Variants in TMTC1 observed in about 807,000 individuals in gnomAD.
TMTC1 encodes protein O-mannosyl-transferase TMTC1.
In TMTC1, 73 loss-of-function variants were observed where a neutral mutation model predicts 104.8. The ratio of observed to expected loss-of-function variants is 0.70; its 90% CI spans 0.58 to 0.85. The LOEUF (loss-of-function observed/expected upper bound fraction) is 0.85. Ranked by LOEUF, TMTC1 falls within the 40% of genes least tolerant of loss-of-function variation. The pLI is 0.00. For missense variants in TMTC1, 1,035 were observed against 1,096.1 expected, an observed-to-expected ratio of 0.94 and a Z score of 0.79; for synonymous variants, 434 against 428.7, an observed-to-expected ratio of 1.01 and a Z score of -0.15.
rs1943897797 is a variant in TMTC1, at chr12:29,783,837, G to A, written c.-86C>T. ...GGGGCCCCGGCGGCGCGCGGCGTCTGCCCGGAGGGGGGCTCGGGCATGGTG... is the reference window on the plus strand; with the variant it reads ...GGGGCCCCGGCGGCGCGCGGCGTCTACCCGGAGGGGGGCTCGGGCATGGTG... On this transcript the variant is annotated 5_prime_UTR_variant, in exon 1 of 18. The change creates a premature stop within an existing upstream ORF in the 5' untranslated region. Transcript: ENST00000539277. This position sits in a 1 kb window ranked among gnomAD's most constrained non-coding sequence, Gnocchi z 4.7. The A allele has an allele frequency of 1.1e-5, 12 of 1,065,666 alleles. 1 individual carries two copies. In the South Asian group the frequency reaches 5.0e-4, roughly 44 times the overall value. 66.0% of individuals were successfully genotyped at this position (1,065,666 alleles called of 1,614,324 possible).
chr12:29,743,304 G>A (rs1027909526), intron 5 of TMTC1, among the ~76,000 whole-genome samples: 3 of 152,168 alleles, frequency 2.0e-5, no homozygotes, highest in African/African-American at 4.8e-5. Context: ...CATACGTTTC[G>A]CAAGAATCAA....
intron 7 of TMTC1, among the ~76,000 whole-genome samples, chr12:29,596,165 C>T (rs1475756757): frequency 6.6e-6 from 1 of 152,104 alleles, no homozygotes; most frequent in African/African-American, 2.4e-5. Flanking sequence ...CGCCACCACG[C>T]CTGGATAATT....
chr12:29,593,647 T>A (rs192882907), intron 7 of TMTC1, among the ~76,000 whole-genome samples: 1 of 152,356 alleles, frequency 6.6e-6, no homozygotes, highest in East Asian at 1.9e-4. Flanking sequence ...AAACAAGCGC[T>A]TAAGCAAATC....
At chr12:29,752,945 T>G (rs2136976322) in intron 4 of TMTC1, among the ~76,000 whole-genome samples, 1 of 152,310 alleles carries the variant, frequency 6.6e-6, no homozygotes, top group East Asian at 1.9e-4. Flanking sequence ...ATCCTGAATT[T>G]TTAAAAAAGA....
intron 6 of TMTC1, among the ~76,000 whole-genome samples, chr12:29,629,181 C>T (rs907703930): frequency 6.6e-6 from 1 of 151,672 alleles, no homozygotes; most frequent in Non-Finnish European, 1.5e-5. Flanking sequence ...ATTAGCCGGG[C>T]GTGGTGGCGG....
chr12:29,701,042 T>C (rs75364868), intron 5 of TMTC1, among the ~76,000 whole-genome samples: 2 of 151,644 alleles, frequency 1.3e-5, no homozygotes, highest in African/African-American at 2.4e-5. Flanking sequence ...TTTTTTTTTT[T>C]CTGAGATTCT....
Position 29,751,787 on chromosome 12 carries a change from T to A in TMTC1, c.817A>T (p.Asn273Tyr). 6.2e-7 allele frequency: 1 copy of A among 1,613,700 alleles called. No individual in the cohort carries two copies. Residue 273 changes from asparagine (N) to tyrosine (Y), a missense_variant, in exon 5 of 18, where the codon AAT becomes TAT. By Grantham distance (143) the Asn-to-Tyr change is moderately radical. Coordinates refer to ENST00000539277, the MANE Select transcript of TMTC1 (RefSeq NM_001193451.2). ...SSLPGHPHRE[N>Y]GKQQRFPHKG... ...TGAGGGAACCGCTGCTGCTTCCCAT[T>A]CTCCCGGTGAGGATGGCCTGGCAGT...
Position 29,556,904 on chromosome 12 carries a change from G to A in TMTC1, c.1629C>T (p.Leu543=). 1 of 1,614,072 alleles carries A rather than the reference G, an allele frequency of 6.2e-7. No homozygotes were observed. The highest frequency in any genetic ancestry group is 1.1e-5 in the South Asian group (1 of 91,072). The stretch of plus-strand genomic sequence containing the variant: ...AAAGAGCCCGGTTATGCTGTGGATG[G>A]AGCTGGAGAGCCCTCTGATAGTACA... The part of the protein sequence containing the change: ...AKMYYQRALQ[L]HPQHNRALFN... Residue 543 remains leucine (L), a synonymous_variant, in exon 10 of 18, where the codon CTC becomes CTT. Transcript: ENST00000539277.
intron 5 of TMTC1, among the ~76,000 whole-genome samples, chr12:29,699,079 A>G (rs1941506054): frequency 2.0e-5 from 3 of 152,228 alleles, no homozygotes; most frequent in Admixed American, 2.0e-4. Flanking sequence ...GGACCCCCCA[A>G]GATGTTCAAC....
At chr12:29,669,407 T>C (rs187127992) in intron 5 of TMTC1, among the ~76,000 whole-genome samples, 100 of 152,270 alleles carry the variant, frequency 6.6e-4, no homozygotes, top group African/African-American at 2.3e-3. Flanking sequence ...GATAACCCCA[T>C]CTGATTTCCA....
intron 5 of TMTC1, among the ~76,000 whole-genome samples, chr12:29,665,829 G>C (rs1489306664): frequency 6.6e-6 from 1 of 152,146 alleles, no homozygotes; most frequent in East Asian, 1.9e-4. Context: ...CCGTCTCCCA[G>C]GAGATGTCTC....
intron 1 of TMTC1, among the ~76,000 whole-genome samples, chr12:29,777,215 C>T (rs1267833638): frequency 6.6e-6 from 1 of 152,042 alleles, no homozygotes; most frequent in African/African-American, 2.4e-5. Context: ...CTGCCTCAGC[C>T]TCCCGAGCAG....
At chr12:29,535,935 A>G (rs771462873) in intron 11 of TMTC1, 23 of 373,548 alleles carry the variant, frequency 6.2e-5, no homozygotes, top group Non-Finnish European at 9.0e-5. Flanking sequence ...AACATCAAAT[A>G]TCATGTATTG....
At chr12:29,617,492 C>G (rs1021664920) in intron 6 of TMTC1, among the ~76,000 whole-genome samples, 11 of 150,810 alleles carry the variant, frequency 7.3e-5, no homozygotes, top group Non-Finnish European at 1.6e-4. Flanking sequence ...TTTCCAGGTA[C>G]TAGTCTAGGC....
intron 5 of TMTC1, among the ~76,000 whole-genome samples, chr12:29,749,742 C>T (rs953547695): frequency 6.6e-6 from 1 of 152,048 alleles, no homozygotes. Context: ...CCTAATTTTT[C>T]CACTTAGTAA....
intron 5 of TMTC1, among the ~76,000 whole-genome samples, chr12:29,672,938 A>G (rs1940573701): frequency 6.6e-6 from 1 of 152,182 alleles, no homozygotes; most frequent in Non-Finnish European, 1.5e-5. Flanking sequence ...CTATCCAGAG[A>G]ACAGCTGACT....
chr12:29,735,009 C>T (rs1942634942), intron 5 of TMTC1, among the ~76,000 whole-genome samples: 1 of 152,230 alleles, frequency 6.6e-6, no homozygotes, highest in South Asian at 2.1e-4. Context: ...TTAAAAATAT[C>T]TAACCATTAA....
chr12:29,620,527 G>C (rs1947103909), intron 6 of TMTC1, among the ~76,000 whole-genome samples: 1 of 152,242 alleles, frequency 6.6e-6, no homozygotes, highest in South Asian at 2.1e-4. Context: ...GTCTGATACA[G>C]TATGTATCAC....
chr12:29,608,000 T>C lies in TMTC1; in HGVS notation c.1129-3701A>G, dbSNP rs138208802. ...CAAACTCAATAAAGTTTCATTGTTT[T>C]ATTTCATTTTGAGAAAATTAATACT... On this transcript the variant is annotated intron_variant, in intron 6 of 17. Transcript: ENST00000539277. Among the ~76,000 whole-genome samples the C allele has an allele frequency of 3.9e-5, 6 of 152,336 alleles. No individual in the cohort carries two copies. In the East Asian group the frequency reaches 1.2e-3, roughly 29 times the overall value.
Sources: gnomAD v4.1 joint callset for allele counts (sites outside exome capture counted in the v4.1 genomes callset) on GRCh38, gnomAD v4.1.1 for gene constraint, Gnocchi (gnomAD v3.1) non-coding constraint, MANE v1.5 for transcripts, NCBI Gene and HGNC (gene_info 2026-07-23, HGNC 2026-07-21) for gene names.